The following LMX1B variants were observed in gnomAD, a reference collection of about 807,000 sequenced individuals.
The protein encoded by LMX1B is LIM homeobox transcription factor 1-beta.
Under a neutral mutation model 51.4 loss-of-function variants are expected in LMX1B, and 12 were observed. The ratio of observed to expected loss-of-function variants is 0.23; its 90% confidence interval spans 0.15 to 0.38. LMX1B has a LOEUF of 0.38. Among genes scored for constraint, LMX1B ranks in the 10% least tolerant of loss-of-function variants. The probability of loss-of-function intolerance (pLI) is 1.00; values close to 1 mark genes in which losing one functional copy is unlikely to be tolerated. For missense variants in LMX1B, 445 were observed against 571.1 expected, an observed-to-expected ratio of 0.78 and a Z score of 2.25; for synonymous variants, 237 against 235.4, an observed-to-expected ratio of 1.01 and a Z score of -0.06.
Position 126,697,798 on chromosome 9 carries a change from A to T in LMX1B, c.*1347A>T, listed in dbSNP as rs1172337297. The T allele has an allele frequency of 6.5e-6, 1 of 152,818 alleles. No homozygotes were observed. Among genetic ancestry groups the T allele is most frequent in the African/African-American group, 2.4e-5 (1 of 41,448 alleles). 9.5% of individuals were successfully genotyped at this position (152,818 alleles called of 1,614,324 possible). ...CCCACACGCAAGTGACAGCTAAGCCACATCTGTTTTCTGTGTATATGCAGG... is the reference window on the plus strand; with the variant it reads ...CCCACACGCAAGTGACAGCTAAGCCTCATCTGTTTTCTGTGTATATGCAGG... On this transcript the variant is annotated 3_prime_UTR_variant, in exon 8 of 8. Coordinates refer to ENST00000373474, the MANE Select transcript of LMX1B (RefSeq NM_001174147.2).
chr9:126,646,312 CTA>C (rs1471064052), intron 2 of LMX1B, among the ~76,000 whole-genome samples: 2 of 151,968 alleles, frequency 1.3e-5, no homozygotes, highest in African/African-American at 4.8e-5. Context: ...ATCCAGCCAC[CTA>C]CCTATCCATC....
At chr9:126,624,022 T>A (rs1352885746) in intron 2 of LMX1B, among the ~76,000 whole-genome samples, 1 of 152,180 alleles carries the variant, frequency 6.6e-6, no homozygotes, top group Non-Finnish European at 1.5e-5. Flanking sequence ...GTTGATGAAT[T>A]TCGGTGTCAC....
chr9:126,684,273 A>G (rs1240027083), intron 2 of LMX1B, among the ~76,000 whole-genome samples: 1 of 152,166 alleles, frequency 6.6e-6, no homozygotes. Flanking sequence ...AAAGGGACAG[A>G]CAGACAGACA....
chr9:126,663,236 G>A (rs570372349), intron 2 of LMX1B, among the ~76,000 whole-genome samples: 1 of 152,004 alleles, frequency 6.6e-6, no homozygotes, highest in South Asian at 2.1e-4. Context: ...AGACCAGCCT[G>A]ACCAACATGG....
intron 2 of LMX1B, among the ~76,000 whole-genome samples, chr9:126,643,353 A>G (rs999862458): frequency 6.6e-6 from 1 of 152,116 alleles, no homozygotes; most frequent in African/African-American, 2.4e-5. Flanking sequence ...AGCAGAACAG[A>G]TGAATGGGGA....
rs1053192397 is a variant in LMX1B at position 126,700,258 on chromosome 9, G to A, written c.*3807G>A. Reference sequence around the variant, plus strand: ...GCTCAGAAAGGGGGTTGGTGCACGTGGCTGGGCATCTTAGGAGGCTTCCTG... The same window carrying A: ...GCTCAGAAAGGGGGTTGGTGCACGTAGCTGGGCATCTTAGGAGGCTTCCTG... On this transcript the variant is annotated 3_prime_UTR_variant, in exon 8 of 8. Transcript: ENST00000373474. 5.3e-5 allele frequency: 8 copies of A among 152,308 alleles called. No individual in the cohort carries two copies. The highest frequency in any genetic ancestry group is 1.9e-4 in the African/African-American group (8 of 41,454). 9.4% of individuals were successfully genotyped at this position (152,308 alleles called of 1,614,324 possible). A position where few individuals can be genotyped will look rare whatever the true frequency, so the allele number is the denominator to read the frequency against.
chr9:126,657,042 G>A (rs1459775883), intron 2 of LMX1B, among the ~76,000 whole-genome samples: 2 of 152,166 alleles, frequency 1.3e-5, no homozygotes, highest in African/African-American at 4.8e-5. Context: ...ACACTCTTAG[G>A]GGTGGCCCTG....
chr9:126,616,846 G>T (rs1735131581), intron 2 of LMX1B, among the ~76,000 whole-genome samples: 1 of 152,230 alleles, frequency 6.6e-6, no homozygotes, highest in Non-Finnish European at 1.5e-5. Flanking sequence ...ACCCCAAAAG[G>T]CTCTGGCTGT....
intron 2 of LMX1B, among the ~76,000 whole-genome samples, chr9:126,648,989 C>T (rs1473925795): frequency 6.6e-6 from 1 of 152,152 alleles, no homozygotes; most frequent in Non-Finnish European, 1.5e-5. Flanking sequence ...TACACCCGCC[C>T]ATCCAGAACC....
intron 5 of LMX1B, 67 bp downstream of exon 5, chr9:126,693,668 C>T: frequency 6.2e-7 from 1 of 1,604,244 alleles, no homozygotes. Context: ...AGCCAGAAGA[C>T]TACGGTCCAG....
intron 2 of LMX1B, among the ~76,000 whole-genome samples, chr9:126,655,375 TG>T (rs60018026): frequency 0.18 from 26,733 of 151,596 alleles, 2,561 homozygotes; most frequent in Non-Finnish European, 0.21. Flanking sequence ...AGAATGCCGG[TG>T]GGGGTGAGGG....
At chr9:126,635,628 A>G (rs1410595614) in intron 2 of LMX1B, among the ~76,000 whole-genome samples, 1 of 152,138 alleles carries the variant, frequency 6.6e-6, no homozygotes, top group Non-Finnish European at 1.5e-5. Flanking sequence ...TATTCTAAAA[A>G]CCCAAATCAG....
intron 2 of LMX1B, among the ~76,000 whole-genome samples, chr9:126,672,860 G>A (rs920525425): frequency 3.3e-5 from 5 of 152,232 alleles, no homozygotes; most frequent in African/African-American, 1.2e-4. Context: ...GTAAGCGGAA[G>A]CGTTGGCTTT....
chr9:126,691,255 C>CA (rs2030120823), intron 3 of LMX1B, among the ~76,000 whole-genome samples, 187 bp downstream of exon 3: 1 of 152,114 alleles, frequency 6.6e-6, no homozygotes, highest in South Asian at 2.1e-4. Flanking sequence ...TACGAACATG[C>CA]ATCCCCCCAG....
chr9:126,643,924 T>C (rs1357459893), intron 2 of LMX1B, among the ~76,000 whole-genome samples: 2 of 152,198 alleles, frequency 1.3e-5, no homozygotes, highest in African/African-American at 4.8e-5. Context: ...ACTTTGCACA[T>C]GAGGAAACTG....
intron 4 of LMX1B, 69 bp downstream of exon 4, chr9:126,693,392 C>G: frequency 6.4e-7 from 1 of 1,554,252 alleles, no homozygotes; most frequent in East Asian, 2.3e-5. Flanking sequence ...GGAGACCACC[C>G]CCTGCTCCTG....
intron 2 of LMX1B, among the ~76,000 whole-genome samples, chr9:126,622,313 G>A (rs1588262915): frequency 1.3e-5 from 2 of 152,308 alleles, no homozygotes; most frequent in Admixed American, 1.3e-4. Flanking sequence ...TTGCTTCCTG[G>A]CCGGGCCAGT....
intron 2 of LMX1B, among the ~76,000 whole-genome samples, chr9:126,678,202 C>G (rs1455498416): frequency 2.0e-5 from 3 of 151,686 alleles, no homozygotes; most frequent in Non-Finnish European, 2.9e-5. Flanking sequence ...CCCAGCTACT[C>G]GGGAGGCTAA....
chr9:126,681,570 G>A (rs1361229905), intron 2 of LMX1B, among the ~76,000 whole-genome samples: 2 of 140,546 alleles, frequency 1.4e-5, no homozygotes, highest in African/African-American at 4.9e-5. Context: ...CCTCTAACCC[G>A]GTGCCCCCCC....
Sources: gnomAD v4.1 joint callset for allele counts (sites outside exome capture counted in the v4.1 genomes callset) on GRCh38, gnomAD v4.1.1 for gene constraint, MANE v1.5 for transcripts, NCBI Gene and HGNC (gene_info 2026-07-23, HGNC 2026-07-21) for gene names.